Variants in CPNE4 observed in about 807,000 individuals in gnomAD.
CPNE4 encodes the protein copine 4, also known as copine-4.
CPNE4 carries 25 observed loss-of-function variants against 67.9 expected under a neutral mutation model. The observed-to-expected ratio is 0.37, with a 90% CI of 0.27 to 0.51. The LOEUF (loss-of-function observed/expected upper bound fraction) is 0.51, where lower values mean the gene tolerates loss of function less well. Ranked by LOEUF, CPNE4 falls within the 20% of genes least tolerant of loss-of-function variation. The probability of loss-of-function intolerance (pLI) is 0.93; values close to 1 mark genes in which losing one functional copy is unlikely to be tolerated. For synonymous variants in CPNE4, 242 were observed against 244.9 expected (o/e 0.99, Z 0.11); for missense variants, 464 against 690.8 (o/e 0.67, Z 3.68).
At chr3:131,995,109 C>A (rs558505320) in intron 1 of CPNE4, among the ~76,000 whole-genome samples, 2 of 152,152 alleles carry the variant, frequency 1.3e-5, no homozygotes, top group Admixed American at 1.3e-4. Context: ...CCAACCCCTG[C>A]CTCCCAAAAT....
At chr3:131,761,117 G>T (rs1259035281) in intron 2 of CPNE4, among the ~76,000 whole-genome samples, 1 of 148,288 alleles carries the variant, frequency 6.7e-6, no homozygotes, top group Non-Finnish European at 1.5e-5. Context: ...TTCCCCTCAA[G>T]AGGGAGGAGA....
At chr3:131,650,553 C>G (rs974854631) in intron 7 of CPNE4, among the ~76,000 whole-genome samples, 6 of 142,204 alleles carry the variant, frequency 4.2e-5, no homozygotes, top group African/African-American at 1.8e-4. Context: ...GTCGGGAGAT[C>G]GAGACCACGG....
upstream of CPNE4, chr3:132,038,104 C>A (rs2074367632): frequency 6.6e-6 from 1 of 152,400 alleles, no homozygotes; most frequent in African/African-American, 2.4e-5. Flanking sequence ...AATCTCACCC[C>A]AGGGCTATTT....
At chr3:132,032,476 G>A (rs1032440011) in intron 1 of CPNE4, among the ~76,000 whole-genome samples, 3 of 152,214 alleles carry the variant, frequency 2.0e-5, no homozygotes, top group African/African-American at 7.2e-5. Context: ...ATCCTTTTAT[G>A]TAATGTTAAT....
chr3:131,539,506 A>G (rs999677129), intron 15 of CPNE4, among the ~76,000 whole-genome samples: 1 of 152,202 alleles, frequency 6.6e-6, no homozygotes, highest in African/African-American at 2.4e-5. Context: ...CAGTCATGCA[A>G]TTCTCCAGTA....
intron 2 of CPNE4, among the ~76,000 whole-genome samples, chr3:131,738,482 C>T (rs2082288177): frequency 6.6e-6 from 1 of 152,140 alleles, no homozygotes; most frequent in Admixed American, 6.5e-5. Context: ...TACCCAGACA[C>T]CACTTAATGG....
At chr3:131,855,376 G>C (rs1407789517) in intron 2 of CPNE4, among the ~76,000 whole-genome samples, 1 of 151,956 alleles carries the variant, frequency 6.6e-6, no homozygotes, top group Non-Finnish European at 1.5e-5. Context: ...GACAGAGAGG[G>C]AACAAAAGCT....
chr3:131,893,247 TAAAGG>T (rs2088187277), intron 2 of CPNE4, among the ~76,000 whole-genome samples: 1 of 151,912 alleles, frequency 6.6e-6, no homozygotes, highest in Non-Finnish European at 1.5e-5. Context: ...AGCGTTATAA[TAAAGG>T]AATCAATTCA....
At chr3:131,839,133 C>T (rs534416819) in intron 2 of CPNE4, among the ~76,000 whole-genome samples, 2 of 151,818 alleles carry the variant, frequency 1.3e-5, no homozygotes, top group African/African-American at 2.4e-5. Flanking sequence ...AAAAAAAAAT[C>T]TGAGGTGAGG....
At chr3:131,598,037 T>A (rs1938995186) in intron 7 of CPNE4, among the ~76,000 whole-genome samples, 1 of 152,350 alleles carries the variant, frequency 6.6e-6, no homozygotes. Context: ...TGGTTAATTA[T>A]TAAAGGAGGC....
At chr3:131,817,092 C>A (rs527269295) in intron 2 of CPNE4, among the ~76,000 whole-genome samples, 3 of 152,118 alleles carry the variant, frequency 2.0e-5, no homozygotes, top group African/African-American at 7.2e-5. Context: ...TTTCAGCACA[C>A]ATCAGCAATG....
At chr3:131,614,374 T>C (rs780212451) in intron 7 of CPNE4, among the ~76,000 whole-genome samples, 9 of 152,188 alleles carry the variant, frequency 5.9e-5, no homozygotes, top group Non-Finnish European at 8.8e-5. Flanking sequence ...AGTGAAATTA[T>C]GTGATAACTT....
chr3:132,038,539 A>G (rs2074371563), upstream of CPNE4, among the ~76,000 whole-genome samples: 2 of 152,248 alleles, frequency 1.3e-5, no homozygotes, highest in Admixed American at 1.3e-4. Flanking sequence ...GATGTTATAA[A>G]GGCCACTAAA....
intron 1 of CPNE4, among the ~76,000 whole-genome samples, chr3:131,996,287 AC>A (rs1246671647): frequency 6.6e-6 from 1 of 152,190 alleles, no homozygotes; most frequent in African/African-American, 2.4e-5. Context: ...TTGTGGAAGA[AC>A]ATGGAGAGTA....
chr3:131,543,794 C>T (rs1352064916), intron 14 of CPNE4, among the ~76,000 whole-genome samples: 1 of 152,216 alleles, frequency 6.6e-6, no homozygotes, highest in African/African-American at 2.4e-5. Context: ...GGGTTGCAGT[C>T]TCTCCCTCTG....
chr3:131,876,380 C>T (rs576996203), intron 2 of CPNE4, among the ~76,000 whole-genome samples: 6 of 151,856 alleles, frequency 4.0e-5, no homozygotes, highest in Non-Finnish European at 8.8e-5. Context: ...TGGTGGCTCA[C>T]GCCTGTAATC....
At chr3:131,765,827 G>A (rs2082998474) in intron 2 of CPNE4, among the ~76,000 whole-genome samples, 1 of 152,102 alleles carries the variant, frequency 6.6e-6, no homozygotes, top group African/African-American at 2.4e-5. Flanking sequence ...AAAAACTTAT[G>A]ATGAAGGAGG....
intron 2 of CPNE4, among the ~76,000 whole-genome samples, chr3:131,781,320 C>T (rs569514385): frequency 1.2e-4 from 19 of 152,218 alleles, no homozygotes; most frequent in African/African-American, 4.1e-4. Context: ...AAACCTGTTG[C>T]AAGACACATT....
chr3:131,879,570 C>G (rs1245194293), intron 2 of CPNE4, among the ~76,000 whole-genome samples: 3 of 152,094 alleles, frequency 2.0e-5, no homozygotes, highest in African/African-American at 7.2e-5. Context: ...CCACTGAGTG[C>G]TATTGAACAC....
Sources: allele counts gnomAD v4.1 joint callset (sites outside exome capture counted in the v4.1 genomes callset), GRCh38; gene constraint gnomAD v4.1.1; transcripts MANE v1.5; gene names NCBI Gene and HGNC (gene_info 2026-07-23, HGNC 2026-07-21).